Variants in CHST8 observed in about 807,000 individuals in gnomAD.
CHST8 encodes carbohydrate sulfotransferase 8.
In CHST8, 10 loss-of-function variants were observed where a neutral mutation model predicts 15.0. The observed-to-expected ratio is 0.67, with a 90% confidence interval of 0.41 to 1.13. The LOEUF is 1.13. Among genes scored for constraint, CHST8 ranks in the 50% most tolerant of loss-of-function variants. The pLI is 0.00. For synonymous variants in CHST8, 259 were observed against 256.6 expected, an observed-to-expected ratio of 1.01 and a Z score of -0.09; for missense variants, 634 against 608.2, an observed-to-expected ratio of 1.04 and a Z score of -0.45.
intron 1 of CHST8, among the ~76,000 whole-genome samples, chr19:33,658,848 A>G (rs189164487): frequency 5.6e-4 from 86 of 152,226 alleles, no homozygotes; most frequent in Non-Finnish European, 8.5e-4. Flanking sequence ...AGGACTCCAT[A>G]TTAGATGAAT....
At chr19:33,647,955 A>G (rs1353313343) in intron 1 of CHST8, among the ~76,000 whole-genome samples, 1 of 150,974 alleles carries the variant, frequency 6.6e-6, no homozygotes, top group Non-Finnish European at 1.5e-5. Context: ...TTTTTTTAGG[A>G]TTGGAGAAAT....
At chr19:33,747,701 C>A (rs953393589) in intron 3 of CHST8, among the ~76,000 whole-genome samples, 11 of 152,176 alleles carry the variant, frequency 7.2e-5, no homozygotes, top group African/African-American at 9.7e-5. Flanking sequence ...TGATAGAATT[C>A]TGTTTCTGAA....
chr19:33,678,142 G>GA (rs1162647699), intron 2 of CHST8, among the ~76,000 whole-genome samples: 1 of 152,136 alleles, frequency 6.6e-6, no homozygotes, highest in Non-Finnish European at 1.5e-5. Context: ...ACTCTGTGGG[G>GA]AAAAAGAAGG....
At chr19:33,767,074 CACTAGCA>C (rs755987866) in intron 3 of CHST8, among the ~76,000 whole-genome samples, 3,343 of 152,282 alleles carry the variant, frequency 0.022, 49 homozygotes, top group Middle Eastern at 0.065. Context: ...AGTGGCGGGA[CACTAGCA>C]TCATCGCCCA....
chr19:33,658,194 G>T (rs1346036422), intron 1 of CHST8, among the ~76,000 whole-genome samples: 1 of 152,160 alleles, frequency 6.6e-6, no homozygotes, highest in Non-Finnish European at 1.5e-5. Context: ...CCAAAAAGTA[G>T]CTAGGTGTGG....
intron 2 of CHST8, among the ~76,000 whole-genome samples, chr19:33,686,176 G>T (rs574304435): frequency 6.6e-6 from 1 of 152,254 alleles, no homozygotes; most frequent in South Asian, 2.1e-4. Context: ...TTCTCTCGGG[G>T]GCCAGCAAAG....
chr19:33,643,865 A>C (rs1388314753), intron 1 of CHST8, among the ~76,000 whole-genome samples: 1 of 152,168 alleles, frequency 6.6e-6, no homozygotes, highest in Non-Finnish European at 1.5e-5. Flanking sequence ...CTTACACATA[A>C]ATTTAGGATA....
intron 1 of CHST8, among the ~76,000 whole-genome samples, chr19:33,651,667 C>T (rs185714743): frequency 1.1e-4 from 16 of 152,256 alleles, no homozygotes; most frequent in Admixed American, 7.2e-4. Context: ...GATGCAAACA[C>T]TTCAAGAGCA....
At chr19:33,647,152 G>A (rs1972365067) in intron 1 of CHST8, among the ~76,000 whole-genome samples, 1 of 152,174 alleles carries the variant, frequency 6.6e-6, no homozygotes, top group African/African-American at 2.4e-5. Flanking sequence ...AAGACTGATC[G>A]AGGTCAGCGA....
Position 33,773,369 on chromosome 19 carries a change from G to C in CHST8, c.*306G>C. ...AGGGAAGTCTGAGGCCCAGAGGACG[G>C]GGGGCCCAGCGGTAAGGGATGTCCC... On this transcript the variant is annotated 3_prime_UTR_variant, in exon 5 of 5. Transcript: ENST00000650847. The C allele has an allele frequency of 2.4e-6, 1 of 421,974 alleles. No individual in the cohort carries two copies. The highest frequency in any genetic ancestry group is 4.1e-5 in the East Asian group (1 of 24,270). The allele number at this position is 421,974 out of a possible 1,614,324, so 26.1% of individuals were successfully genotyped here.
intron 3 of CHST8, among the ~76,000 whole-genome samples, chr19:33,724,874 T>G (rs987113976): frequency 1.2e-4 from 18 of 151,748 alleles, no homozygotes; most frequent in South Asian, 1.0e-3. Flanking sequence ...TGGCCCAGAG[T>G]GGGGGGCCAC....
intron 3 of CHST8, among the ~76,000 whole-genome samples, chr19:33,729,104 C>T (rs903933878): frequency 3.3e-5 from 5 of 152,184 alleles, no homozygotes; most frequent in African/African-American, 1.2e-4. Flanking sequence ...ACAGGATACC[C>T]TGCAATTTAG....
At chr19:33,767,928 T>C (rs1974884381) in intron 3 of CHST8, among the ~76,000 whole-genome samples, 1 of 152,158 alleles carries the variant, frequency 6.6e-6, no homozygotes, top group Non-Finnish European at 1.5e-5. Flanking sequence ...GAGGTGGTTA[T>C]ACTGAGGCCA....
chr19:33,659,976 C>T (rs978768739), intron 1 of CHST8, among the ~76,000 whole-genome samples: 46 of 152,288 alleles, frequency 3.0e-4, no homozygotes, highest in African/African-American at 1.1e-3. Context: ...CTGGAATCCT[C>T]CTGAAGCTTT....
chr19:33,691,143 C>T (rs1169071116), intron 3 of CHST8, among the ~76,000 whole-genome samples: 4 of 152,206 alleles, frequency 2.6e-5, no homozygotes, highest in African/African-American at 7.2e-5. Flanking sequence ...TGCGCAGGTC[C>T]CTGTTGCCCT....
chr19:33,676,442 C>T (rs1220850784), intron 2 of CHST8, among the ~76,000 whole-genome samples: 7 of 152,066 alleles, frequency 4.6e-5, no homozygotes, highest in Admixed American at 2.0e-4. Flanking sequence ...TGGTGGCACA[C>T]GCCTGTAGTC....
Position 33,692,996 on chromosome 19 carries a change from T to TTTTC in CHST8, c.130+3617_130+3620dup, listed in dbSNP as rs1313877221. ...ATCAATTCAGCTATAACTATTTCTT[T>TTTTC]TTTCTTTCTTTCTTTTTTTTTTTTT... On this transcript the variant is annotated intron_variant, in intron 3 of 4. Coordinates refer to ENST00000650847, the MANE Select transcript of CHST8 (RefSeq NM_001127895.2). Among the ~76,000 whole-genome samples the TTTTC allele has an allele frequency of 8.6e-5, 13 of 151,282 alleles. No homozygotes were observed. In the South Asian group the frequency reaches 1.9e-3, roughly 22 times the overall value.
At chr19:33,650,303 G>C (rs1184183950) in intron 1 of CHST8, among the ~76,000 whole-genome samples, 1 of 151,862 alleles carries the variant, frequency 6.6e-6, no homozygotes, top group South Asian at 2.1e-4. Flanking sequence ...ATTCAGTTGG[G>C]GGACTTAGGA....
chr19:33,691,866 G>A (rs1172159629), intron 3 of CHST8, among the ~76,000 whole-genome samples: 1 of 152,226 alleles, frequency 6.6e-6, no homozygotes, highest in Non-Finnish European at 1.5e-5. Flanking sequence ...CGGATCTACG[G>A]AGGAAATTCC....
Sources: allele counts gnomAD v4.1 joint callset (sites outside exome capture counted in the v4.1 genomes callset), GRCh38; gene constraint gnomAD v4.1.1; transcripts MANE v1.5; gene names NCBI Gene and HGNC (gene_info 2026-07-23, HGNC 2026-07-21).